Variants in SLAMF9 observed in about 807,000 individuals in gnomAD.
SLAMF9 encodes SLAM family member 9, also known as CD2 family member 10.
In SLAMF9, 25 loss-of-function variants were observed where a neutral mutation model predicts 30.4. The ratio of observed to expected loss-of-function variants is 0.82; its 90% CI spans 0.60 to 1.15. The LOEUF is 1.15. SLAMF9 is among the 50% of genes most tolerant of loss of function. The pLI, the probability that SLAMF9 is intolerant of heterozygous loss-of-function variation, is 0.00. For missense variants in SLAMF9, 344 were observed against 346.1 expected (o/e 0.99, Z 0.05); for synonymous variants, 129 against 127.2 (o/e 1.01, Z -0.09).
chr1:159,951,771 G>T lies in SLAMF9; in HGVS notation c.760C>A (p.Leu254Ile). 1 of 1,614,166 alleles carries T rather than the reference G, an allele frequency of 6.2e-7. No homozygotes were observed. Among genetic ancestry groups the T allele is most frequent in the Non-Finnish European group, 8.5e-7 (1 of 1,180,032 alleles). ...FLLLVILAMG[L>I]WVIRVQKRHK... ...CTTTTCTGGACTCGGATGACCCAGA[G>T]TCCCATGGCCAGAATTACCAAGAGC... The change falls in exon 4 of 4, where the codon CTC (leucine) becomes ATC (isoleucine). Residue 254 changes from leucine (L) to isoleucine (I), a missense_variant. Coordinates refer to ENST00000368093, the MANE Select transcript of SLAMF9 (RefSeq NM_033438.4).
upstream of SLAMF9, among the ~76,000 whole-genome samples, chr1:159,958,807 GA>G (rs1394109491): frequency 1.3e-5 from 2 of 152,014 alleles, no homozygotes; most frequent in South Asian, 2.1e-4. Flanking sequence ...GATTCAAATA[GA>G]ACTTCAATTT....
the SLAMF9 span, among the ~76,000 whole-genome samples, chr1:159,964,751 A>C: frequency 6.6e-6 from 1 of 152,224 alleles, no homozygotes; most frequent in Non-Finnish European, 1.5e-5. Flanking sequence ...AAATTTGAGA[A>C]GTAACAAAAC....
chr1:159,961,211 C>T, the SLAMF9 span: 1 of 152,076 alleles, frequency 6.6e-6, no homozygotes, highest in African/African-American at 2.4e-5. Flanking sequence ...GAAATCAGAC[C>T]CACACCCCAA....
At position 159,954,122 on chromosome 1, in the gene SLAMF9, A is replaced by G. The variant is rs964322361; in HGVS notation, c.16T>C (p.Trp6Arg). The change falls in exon 1 of 4, where the codon TGG becomes CGG. Residue 6 changes from tryptophan (W) to arginine (R), a missense_variant. By Grantham distance (101) the Trp-to-Arg change is moderately radical. Transcript: ENST00000368093. ...TGGAGCAGCAGGAGAAGAAGCAGCCAAGGAAAGGCACACATGTCAGCAGCC... is the reference window on the plus strand; with the variant it reads ...TGGAGCAGCAGGAGAAGAAGCAGCCGAGGAAAGGCACACATGTCAGCAGCC... MCAFP[W>R]LLLLLLLQEG... The G allele has an allele frequency of 6.8e-6, 11 of 1,614,036 alleles. No individual in the cohort carries two copies. The highest frequency in any genetic ancestry group is 1.3e-5 in the African/African-American group (1 of 74,926).
chr1:159,968,981 G>T, the SLAMF9 span, among the ~76,000 whole-genome samples: 2 of 152,128 alleles, frequency 1.3e-5, no homozygotes, highest in African/African-American at 4.8e-5. Flanking sequence ...TGTAGAGGTT[G>T]CAGTGAGCTG....
At chr1:159,974,095 A>G in the SLAMF9 span, 14 of 1,486,848 alleles carry the variant, frequency 9.4e-6, no homozygotes, top group Non-Finnish European at 1.3e-5. Flanking sequence ...GCAGCCCTGG[A>G]GCTGCAGGTC....
At chr1:159,976,876 T>A in the SLAMF9 span, 1 of 127,600 alleles carries the variant, frequency 7.8e-6, no homozygotes, top group Non-Finnish European at 1.6e-5. Flanking sequence ...GACCCCCATC[T>A]CTCTAAAAAA....
chr1:159,956,193 A>G (rs774982885), upstream of SLAMF9, among the ~76,000 whole-genome samples: 75 of 152,222 alleles, frequency 4.9e-4, no homozygotes, highest in Non-Finnish European at 6.8e-4. Context: ...AGGCTGGGCA[A>G]GGGAGCTCAT....
At chr1:159,961,564 T>C in the SLAMF9 span, among the ~76,000 whole-genome samples, 3 of 152,232 alleles carry the variant, frequency 2.0e-5, no homozygotes, top group Non-Finnish European at 2.9e-5. Flanking sequence ...AAAAGGTGAT[T>C]ATTCAATTGA....
At position 159,951,882 on chromosome 1, in the gene SLAMF9, G is replaced by C. The variant is rs1257794488; in HGVS notation, c.665-16C>G. 19 of 1,612,012 alleles carry C rather than the reference G, an allele frequency of 1.2e-5. 1 individual carries two copies. In the South Asian group the frequency reaches 2.1e-4, roughly 18 times the overall value. Reference sequence around the variant, plus strand: ...TAGTTAGGATCTGGGGTGGAAGAAAGGAGGAAAGGGCCCATCAGTGGTAGG... The same window carrying C: ...TAGTTAGGATCTGGGGTGGAAGAAACGAGGAAAGGGCCCATCAGTGGTAGG... On this transcript the variant is annotated splice_polypyrimidine_tract_variant and intron_variant, in intron 3 of 3. Coordinates refer to ENST00000368093, the MANE Select transcript of SLAMF9 (RefSeq NM_033438.4).
the SLAMF9 span, among the ~76,000 whole-genome samples, chr1:159,962,019 G>A: frequency 1.2e-4 from 18 of 152,218 alleles, no homozygotes; most frequent in African/African-American, 3.9e-4. Flanking sequence ...TTAGCCCAGC[G>A]TGGTGGCACA....
chr1:159,972,974 T>C, the SLAMF9 span: 1 of 1,255,072 alleles, frequency 8.0e-7, no homozygotes, highest in East Asian at 2.8e-5. Context: ...CCTGGGGGCG[T>C]CGCCACTCCC....
chr1:159,961,105 C>T, the SLAMF9 span: 1 of 152,268 alleles, frequency 6.6e-6, no homozygotes, highest in Admixed American at 6.5e-5. Flanking sequence ...AGAGACCAAA[C>T]TATGACATTA....
At chr1:159,979,626 A>G in the SLAMF9 span, among the ~76,000 whole-genome samples, 1 of 152,130 alleles carries the variant, frequency 6.6e-6, no homozygotes, top group South Asian at 2.1e-4. Flanking sequence ...ACTCTTTACC[A>G]TGAATTACCT....
chr1:159,961,756 G>A, the SLAMF9 span, among the ~76,000 whole-genome samples: 1 of 152,202 alleles, frequency 6.6e-6, no homozygotes, highest in African/African-American at 2.4e-5. Flanking sequence ...ACACAGGCAG[G>A]GCCGAGAGAT....
chr1:159,979,748 A>G, the SLAMF9 span, among the ~76,000 whole-genome samples: 2 of 152,318 alleles, frequency 1.3e-5, no homozygotes, highest in African/African-American at 4.8e-5. Flanking sequence ...AGAGTTGCAT[A>G]AAACAGTTCT....
chr1:159,965,928 ATATC>A, the SLAMF9 span, among the ~76,000 whole-genome samples: 6 of 152,228 alleles, frequency 3.9e-5, no homozygotes, highest in Non-Finnish European at 5.9e-5. Context: ...GCTAATTAAC[ATATC>A]TATCACTTCA....
the SLAMF9 span, among the ~76,000 whole-genome samples, chr1:159,971,607 T>C: frequency 6.6e-6 from 1 of 152,056 alleles, no homozygotes; most frequent in Admixed American, 6.5e-5. Context: ...AAGAGAGATA[T>C]CACATAGTGT....
the SLAMF9 span, among the ~76,000 whole-genome samples, chr1:159,966,098 TA>T: frequency 2.0e-5 from 3 of 152,208 alleles, no homozygotes; most frequent in African/African-American, 7.2e-5. Context: ...CTCAGACCAG[TA>T]ATTCCCCATT....
Sources: gnomAD v4.1 joint callset for allele counts (sites outside exome capture counted in the v4.1 genomes callset) on GRCh38, gnomAD v4.1.1 for gene constraint, MANE v1.5 for transcripts, NCBI Gene and HGNC (gene_info 2026-07-23, HGNC 2026-07-21) for gene names.